DCC: variants seen among roughly 807,000 people sequenced by gnomAD.
DCC encodes the protein DCC netrin 1 receptor.
Under a neutral mutation model 172.5 loss-of-function variants are expected in DCC, and 58 were observed. The observed-to-expected ratio is 0.34, with a 90% CI of 0.27 to 0.42. DCC has a LOEUF of 0.42. DCC is among the 10% of genes least tolerant of loss of function. The probability of loss-of-function intolerance (pLI) is 1.00; values close to 1 mark genes in which losing one functional copy is unlikely to be tolerated. For missense variants in DCC, 1,740 were observed against 1,791.0 expected, an observed-to-expected ratio of 0.97 and a Z score of 0.51; for synonymous variants, 709 against 644.5, an observed-to-expected ratio of 1.10 and a Z score of -1.52.
chr18:53,397,314 GAC>G lies in DCC; in HGVS notation c.2699_2700del (p.Thr900AsnfsTer17). ...FSASAKYKSE[D>X]TTSLSYTATG... ...CTATTTCCTACTTGTATAGTCAGAAGACACAACATCTCTAAGTTACACAGCAA... is the reference window on the plus strand; with the variant it reads ...CTATTTCCTACTTGTATAGTCAGAAGACAACATCTCTAAGTTACACAGCAA... On this transcript the variant is annotated frameshift_variant, in exon 18 of 29. Coordinates refer to ENST00000442544, the MANE Select transcript of DCC (RefSeq NM_005215.4). LOFTEE classifies it high-confidence loss of function. The G allele has an allele frequency of 6.2e-7, 1 of 1,613,388 alleles. No individual in the cohort carries two copies. The highest frequency in any genetic ancestry group is 8.5e-7 in the Non-Finnish European group (1 of 1,179,594).
At chr18:53,134,585 A>G (rs895794025) in intron 7 of DCC, among the ~76,000 whole-genome samples, 2 of 152,160 alleles carry the variant, frequency 1.3e-5, no homozygotes, top group African/African-American at 2.4e-5. Flanking sequence ...GTACAAATAT[A>G]GCTTTTACCT....
At chr18:53,394,300 G>A (rs971913849) in intron 17 of DCC, among the ~76,000 whole-genome samples, 3 of 152,190 alleles carry the variant, frequency 2.0e-5, no homozygotes, top group Non-Finnish European at 2.9e-5. Flanking sequence ...GGAAGACAGA[G>A]GTAGGTGATA....
intron 1 of DCC, among the ~76,000 whole-genome samples, chr18:52,536,021 G>A: frequency 6.6e-6 from 1 of 152,122 alleles, no homozygotes; most frequent in Non-Finnish European, 1.5e-5. Flanking sequence ...AAGAAAAGTG[G>A]TGAAAGGTCA....
intron 5 of DCC, among the ~76,000 whole-genome samples, chr18:53,019,845 A>T (rs1301385909): frequency 6.6e-6 from 1 of 152,166 alleles, no homozygotes; most frequent in Non-Finnish European, 1.5e-5. Context: ...ACAAAGCCTA[A>T]CATGTTTATT....
chr18:52,854,647 CTTTTCTGTTTT>C (rs1395677457), intron 2 of DCC, among the ~76,000 whole-genome samples: 1 of 152,204 alleles, frequency 6.6e-6, no homozygotes, highest in Non-Finnish European at 1.5e-5. Flanking sequence ...GGTAACTATT[CTTTTCTGTTTT>C]TAACTGACTG....
chr18:53,487,186 G>C (rs117269754), intron 26 of DCC, among the ~76,000 whole-genome samples: 47 of 152,310 alleles, frequency 3.1e-4, no homozygotes, highest in Non-Finnish European at 6.3e-4. Flanking sequence ...ACAAGGGGAA[G>C]TGGTGGGGAA....
intron 3 of DCC, among the ~76,000 whole-genome samples, chr18:52,922,550 C>A (rs1258084178): frequency 6.6e-6 from 1 of 152,142 alleles, no homozygotes; most frequent in Non-Finnish European, 1.5e-5. Flanking sequence ...TGCTTTGAGT[C>A]TGCAAAATGA....
chr18:52,601,415 A>C (rs1410198509), intron 1 of DCC, among the ~76,000 whole-genome samples: 1 of 151,988 alleles, frequency 6.6e-6, no homozygotes, highest in African/African-American at 2.4e-5. Flanking sequence ...GTAAACATCT[A>C]ATCTCCTGTT....
chr18:53,118,719 G>A (rs545688453), intron 7 of DCC, among the ~76,000 whole-genome samples: 3 of 151,800 alleles, frequency 2.0e-5, no homozygotes, highest in African/African-American at 7.2e-5. Context: ...CCCCACAATA[G>A]TTATGTAAAA....
chr18:52,773,469 T>A (rs1190506522), intron 2 of DCC, among the ~76,000 whole-genome samples: 3 of 152,140 alleles, frequency 2.0e-5, no homozygotes, highest in Non-Finnish European at 4.4e-5. Flanking sequence ...TTTATAGGAA[T>A]TGAAAAATTA....
intron 2 of DCC, among the ~76,000 whole-genome samples, chr18:52,903,081 C>T (rs1292175349): frequency 1.3e-5 from 2 of 152,228 alleles, no homozygotes; most frequent in South Asian, 2.1e-4. Flanking sequence ...CATAGGAAAC[C>T]AATTGTTGAG....
At chr18:52,804,713 T>A (rs1308242414) in intron 2 of DCC, among the ~76,000 whole-genome samples, 6 of 152,098 alleles carry the variant, frequency 3.9e-5, no homozygotes, top group African/African-American at 1.2e-4. Context: ...CCTCCTGAGT[T>A]GCTGGGATTA....
intron 21 of DCC, among the ~76,000 whole-genome samples, chr18:53,425,137 A>G (rs1304872760): frequency 1.1e-4 from 16 of 150,988 alleles, no homozygotes; most frequent in African/African-American, 3.7e-4. Context: ...CTTCTGTTGT[A>G]CCTTTTCTGA....
chr18:53,305,455 T>C, intron 12 of DCC, 123 bp from the exon 13 acceptor site: 1 of 760,648 alleles, frequency 1.3e-6, no homozygotes, highest in Non-Finnish European at 2.3e-6. Flanking sequence ...TGTCTCTAAG[T>C]GGCAATCGCT....
At chr18:52,917,983 C>G (rs1296976965) in intron 3 of DCC, among the ~76,000 whole-genome samples, 4 of 127,422 alleles carry the variant, frequency 3.1e-5, no homozygotes, top group African/African-American at 1.1e-4. Flanking sequence ...AGAAAAAAAT[C>G]CATTTTTTTC....
At chr18:53,501,873 T>G (rs1231562084) in intron 27 of DCC, among the ~76,000 whole-genome samples, 1 of 113,550 alleles carries the variant, frequency 8.8e-6, no homozygotes, top group Non-Finnish European at 2.1e-5. Flanking sequence ...AGAATTGGCA[T>G]TTTTTTACTA....
At chr18:53,316,230 T>C (rs1006853406) in intron 13 of DCC, among the ~76,000 whole-genome samples, 11 of 152,194 alleles carry the variant, frequency 7.2e-5, no homozygotes, top group African/African-American at 2.7e-4. Flanking sequence ...CCATTGCTTG[T>C]TTTTCTCTAG....
At chr18:52,372,385 A>G (rs1985159745) in intron 1 of DCC, among the ~76,000 whole-genome samples, 1 of 152,128 alleles carries the variant, frequency 6.6e-6, no homozygotes, top group South Asian at 2.1e-4. Context: ...TTGGCTGGTT[A>G]TGAGGACAGT....
At chr18:52,382,011 G>T (rs1985607458) in intron 1 of DCC, among the ~76,000 whole-genome samples, 1 of 152,080 alleles carries the variant, frequency 6.6e-6, no homozygotes, top group Non-Finnish European at 1.5e-5. Flanking sequence ...GTTCCTTAAG[G>T]AGTCACATAT....
Sources: gnomAD v4.1 joint callset for allele counts (sites outside exome capture counted in the v4.1 genomes callset) on GRCh38, gnomAD v4.1.1 for gene constraint, MANE v1.5 for transcripts, NCBI Gene and HGNC (gene_info 2026-07-23, HGNC 2026-07-21) for gene names.